The following TCF4 variants were observed in gnomAD, a reference collection of about 807,000 sequenced individuals.
The protein encoded by TCF4 is SL3-3 enhancer factor 2.
TCF4 carries 3 observed loss-of-function variants against 82.1 expected under a neutral mutation model. The observed-to-expected ratio is 0.04, with a 90% CI of 0.02 to 0.09. TCF4 has a LOEUF of 0.09. Ranked by LOEUF, TCF4 falls within the 10% of genes least tolerant of loss-of-function variation. The probability of loss-of-function intolerance (pLI) is 1.00; values close to 1 mark genes in which losing one functional copy is unlikely to be tolerated. For synonymous variants in TCF4, 276 were observed against 309.6 expected (o/e 0.89, Z 1.14); for missense variants, 518 against 852.7 (o/e 0.61, Z 4.89).
intron 3 of TCF4, among the ~76,000 whole-genome samples, chr18:55,472,491 T>G (rs959656068): frequency 6.6e-6 from 1 of 152,114 alleles, no homozygotes; most frequent in Non-Finnish European, 1.5e-5. Flanking sequence ...CTAGCTGGGG[T>G]CTTCCTCTTG....
At chr18:55,404,487 C>T (rs528132318) in intron 5 of TCF4, 65 of 152,272 alleles carry the variant, frequency 4.3e-4, no homozygotes, top group African/African-American at 1.5e-3. Flanking sequence ...ATACTTCTTT[C>T]GTCAAGACTG....
chr18:55,360,332 T>C (rs146591178), intron 6 of TCF4, among the ~76,000 whole-genome samples: 5 of 152,266 alleles, frequency 3.3e-5, no homozygotes, highest in Admixed American at 6.5e-5. Context: ...AGACAGAACT[T>C]AGATAATCAA....
chr18:55,397,093 A>G (rs1454976290), intron 6 of TCF4, among the ~76,000 whole-genome samples: 1 of 152,208 alleles, frequency 6.6e-6, no homozygotes, highest in Non-Finnish European at 1.5e-5. Flanking sequence ...CAATACAAAG[A>G]CTATTTGTTA....
At chr18:55,618,181 A>G (rs1167182915) in intron 2 of TCF4, among the ~76,000 whole-genome samples, 2 of 152,142 alleles carry the variant, frequency 1.3e-5, no homozygotes, top group East Asian at 3.8e-4. Context: ...AAAGTTTTGA[A>G]TTTCATCAAA....
At chr18:55,301,788 T>TAAAAAAAAAAAAAAAAAAAAAAAAA (rs10652622) in intron 8 of TCF4, among the ~76,000 whole-genome samples, 1 of 56,316 alleles carries the variant, frequency 1.8e-5, no homozygotes, top group Non-Finnish European at 2.9e-5. Context: ...CCAAAAACTG[T>TAAAAAAAAAAAAAAAAAAAAAAAAA]AAAAAAAAAA....
chr18:55,503,856 C>T (rs1052074686), intron 3 of TCF4, among the ~76,000 whole-genome samples: 1 of 152,162 alleles, frequency 6.6e-6, no homozygotes, highest in Non-Finnish European at 1.5e-5. Flanking sequence ...GGACGGATCA[C>T]TTGAGGCCAG....
chr18:55,459,798 A>C (rs2095839724), intron 5 of TCF4, among the ~76,000 whole-genome samples: 1 of 152,202 alleles, frequency 6.6e-6, no homozygotes, highest in South Asian at 2.1e-4. Context: ...TATGAAATTT[A>C]CTACTTTGAA....
intron 6 of TCF4, among the ~76,000 whole-genome samples, chr18:55,360,683 G>C (rs1050244113): frequency 2.0e-5 from 3 of 150,192 alleles, no homozygotes; most frequent in Non-Finnish European, 4.4e-5. Context: ...ATAAAAAGAA[G>C]CTGTTGGTTG....
In TCF4 at chr18:55,226,409, A is replaced by G. The variant is rs2144312814; in HGVS notation, c.*1626T>C. 1 of 152,694 alleles carries G rather than the reference A, an allele frequency of 6.5e-6. No individual in the cohort carries two copies. The highest frequency in any genetic ancestry group is 2.4e-5 in the African/African-American group (1 of 41,586). 9.5% of individuals were successfully genotyped at this position (152,694 alleles called of 1,614,324 possible). On this transcript the variant is annotated 3_prime_UTR_variant, in exon 20 of 20. Transcript: ENST00000354452. ...GCACTATACACCAAAGTCAATCATTATAAAGATTCACGATGGAAGTTGGTT... is the reference window on the plus strand; with the variant it reads ...GCACTATACACCAAAGTCAATCATTGTAAAGATTCACGATGGAAGTTGGTT...
chr18:55,558,314 C>T (rs900806026), intron 3 of TCF4, among the ~76,000 whole-genome samples: 1 of 152,148 alleles, frequency 6.6e-6, no homozygotes, highest in African/African-American at 2.4e-5. Flanking sequence ...TTTTATGATG[C>T]TGTATCTTCC....
At chr18:55,400,502 G>A (rs964093336) in intron 6 of TCF4, among the ~76,000 whole-genome samples, 1 of 152,004 alleles carries the variant, frequency 6.6e-6, no homozygotes, top group African/African-American at 2.4e-5. Context: ...GTTTATTTCT[G>A]ATAACTTCAG....
At chr18:55,482,966 T>C (rs527414449) in intron 3 of TCF4, 4 of 152,324 alleles carry the variant, frequency 2.6e-5, no homozygotes, top group East Asian at 1.9e-4. Context: ...TTCTCCTTCA[T>C]TGGACTTGTC....
intron 3 of TCF4, among the ~76,000 whole-genome samples, chr18:55,485,686 A>G (rs1343222240): frequency 1.3e-5 from 2 of 152,242 alleles, no homozygotes; most frequent in Admixed American, 1.3e-4. Flanking sequence ...TTTTGGATTT[A>G]CCAATATCAT....
chr18:55,280,451 T>A (rs2062359499), intron 8 of TCF4, among the ~76,000 whole-genome samples: 3 of 152,344 alleles, frequency 2.0e-5, no homozygotes, highest in Middle Eastern at 6.8e-3. Flanking sequence ...ATGTTTTTTT[T>A]AAACAGGACA....
At chr18:55,286,267 C>T (rs1294444287) in intron 8 of TCF4, among the ~76,000 whole-genome samples, 14 of 144,532 alleles carry the variant, frequency 9.7e-5, no homozygotes, top group African/African-American at 3.5e-4. Flanking sequence ...ATTCTATATT[C>T]TTTGTTTTTA....
At chr18:55,332,820 T>C (rs951617837) in intron 8 of TCF4, among the ~76,000 whole-genome samples, 11 of 152,234 alleles carry the variant, frequency 7.2e-5, no homozygotes, top group Non-Finnish European at 1.6e-4. Flanking sequence ...TAGACTCCAT[T>C]TGACAATATG....
At chr18:55,228,697 G>C in intron 18 of TCF4, 150 bp downstream of exon 18, 1 of 866,690 alleles carries the variant, frequency 1.2e-6, no homozygotes, top group Non-Finnish European at 1.8e-6. Context: ...CTGCCTTATG[G>C]ATTTAGACAC....
intron 15 of TCF4, among the ~76,000 whole-genome samples, chr18:55,238,090 C>T (rs915871974): frequency 1.3e-5 from 2 of 152,226 alleles, no homozygotes; most frequent in Non-Finnish European, 2.9e-5. Context: ...AACTTAAATA[C>T]GTCATAATGT....
intron 3 of TCF4, among the ~76,000 whole-genome samples, chr18:55,486,069 T>C (rs570272250): frequency 2.0e-5 from 3 of 152,340 alleles, no homozygotes; most frequent in Admixed American, 1.3e-4. Context: ...ATCCTACTAC[T>C]TAGAAATATG....
Sources: gnomAD v4.1 joint callset for allele counts (sites outside exome capture counted in the v4.1 genomes callset) on GRCh38, gnomAD v4.1.1 for gene constraint, MANE v1.5 for transcripts, NCBI Gene and HGNC (gene_info 2026-07-23, HGNC 2026-07-21) for gene names.